Variants in ARID1B observed in about 807,000 individuals in gnomAD.
The protein encoded by ARID1B is AT-rich interaction domain 1B.
ARID1B carries 30 observed loss-of-function variants against 212.3 expected under a neutral mutation model. That is an observed-to-expected ratio of 0.14 (90% CI 0.11 to 0.19). The LOEUF (loss-of-function observed/expected upper bound fraction) is 0.19, where lower values mean the gene tolerates loss of function less well. Ranked by LOEUF, ARID1B falls within the 10% of genes least tolerant of loss-of-function variation. The pLI is 1.00. For missense variants in ARID1B, 2,891 were observed against 3,204.0 expected, an observed-to-expected ratio of 0.90 and a Z score of 2.36; for synonymous variants, 1,402 against 1,301.7, an observed-to-expected ratio of 1.08 and a Z score of -1.66.
At position 157,203,269 on chromosome 6, in the gene ARID1B, G is replaced by T. The variant is rs1198125105; in HGVS notation, c.5264-597G>T. Among the ~76,000 whole-genome samples, 1 of 152,156 alleles carries T rather than the reference G, an allele frequency of 6.6e-6. No individual in the cohort carries two copies. The highest frequency in any genetic ancestry group is 1.5e-5 in the Non-Finnish European group (1 of 68,034). ...ACAACAAATTACTTCCCATTCTGTG[G>T]CTCCAGCCATACTCCTGAGAAATCT... On this transcript the variant is annotated intron_variant, in intron 18 of 19. Transcript: ENST00000636930. The surrounding 1 kb of genome is among the most constrained non-coding windows in gnomAD (Gnocchi z 4.4).
At chr6:157,130,766 C>CTTTCGA (rs1188921546) in intron 6 of ARID1B, among the ~76,000 whole-genome samples, 2 of 152,162 alleles carry the variant, frequency 1.3e-5, no homozygotes, top group East Asian at 3.9e-4. Context: ...TCTTACCCTC[C>CTTTCGA]AGCTGCCTCA....
chr6:156,953,272 C>T (rs56162003), intron 4 of ARID1B, among the ~76,000 whole-genome samples: 86 of 152,358 alleles, frequency 5.6e-4, no homozygotes, highest in Non-Finnish European at 1.1e-3. Context: ...CAGGGATCCA[C>T]TCAGCCCCCT....
intron 3 of ARID1B, among the ~76,000 whole-genome samples, chr6:156,918,853 G>C (rs575468633): frequency 1.3e-5 from 2 of 152,278 alleles, no homozygotes; most frequent in African/African-American, 4.8e-5. Flanking sequence ...AGGAGGATGG[G>C]AATGAGGACT....
At position 157,184,270 on chromosome 6, in the gene ARID1B, C is replaced by T. The variant is rs2128324904; in HGVS notation, c.3754C>T (p.Leu1252=). The change falls in exon 13 of 20, where the codon CTA becomes TTA. Residue 1252 remains leucine (L), a synonymous_variant. Coordinates refer to ENST00000636930, the MANE Select transcript of ARID1B (RefSeq NM_001374828.1). ...GAAGTGGCGTGAGCTGGCAACCAACCTAAACGTTGGCACCTCAAGCAGTGC... is the reference window on the plus strand; with the variant it reads ...GAAGTGGCGTGAGCTGGCAACCAACTTAAACGTTGGCACCTCAAGCAGTGC... ...NKKWRELATN[L]NVGTSSSAAS... is the part of the protein sequence containing the mutation. The T allele has an allele frequency of 6.2e-7, 1 of 1,613,626 alleles. No individual in the cohort carries two copies. The highest frequency in any genetic ancestry group is 8.5e-7 in the Non-Finnish European group (1 of 1,179,656).
chr6:157,113,425 G>T (rs1383628171), intron 6 of ARID1B, among the ~76,000 whole-genome samples: 1 of 152,162 alleles, frequency 6.6e-6, no homozygotes, highest in Non-Finnish European at 1.5e-5. Context: ...TCATAGTCCT[G>T]CAGGCTGTGC....
intron 4 of ARID1B, among the ~76,000 whole-genome samples, chr6:157,084,005 G>T (rs1340098751): frequency 1.3e-5 from 2 of 151,838 alleles, no homozygotes; most frequent in Non-Finnish European, 2.9e-5. Flanking sequence ...GTGGTGGCAG[G>T]TGCCTGTAAT....
At chr6:156,960,773 A>C (rs879406246) in intron 4 of ARID1B, among the ~76,000 whole-genome samples, 4 of 151,620 alleles carry the variant, frequency 2.6e-5, no homozygotes, top group Non-Finnish European at 5.9e-5. Flanking sequence ...GGAAAGCCAC[A>C]GGGTTTTAGA....
intron 1 of ARID1B, among the ~76,000 whole-genome samples, chr6:156,818,900 TA>T (rs1160102682): frequency 6.6e-6 from 1 of 152,002 alleles, no homozygotes; most frequent in Non-Finnish European, 1.5e-5. Flanking sequence ...ATTCTGGAAT[TA>T]TACCTCCATA....
chr6:156,975,649 G>T (rs1777190904), intron 4 of ARID1B, among the ~76,000 whole-genome samples: 1 of 122,136 alleles, frequency 8.2e-6, no homozygotes, highest in South Asian at 2.4e-4. Context: ...TAAAGATACT[G>T]GTCCACTGTC....
intron 1 of ARID1B, among the ~76,000 whole-genome samples, chr6:156,812,933 G>GGT (rs71027314): frequency 0.032 from 2,886 of 89,408 alleles, 86 homozygotes; most frequent in East Asian, 0.091. Flanking sequence ...TATAATCCTG[G>GGT]GTGTGTGTGT....
intron 2 of ARID1B, among the ~76,000 whole-genome samples, chr6:156,892,308 C>T (rs964579228): frequency 3.2e-4 from 48 of 152,098 alleles, no homozygotes; most frequent in Admixed American, 3.1e-3. Flanking sequence ...ATGATTATTT[C>T]AGTTTGCCCT....
At chr6:156,892,300 G>A (rs1406317969) in intron 2 of ARID1B, among the ~76,000 whole-genome samples, 1 of 151,950 alleles carries the variant, frequency 6.6e-6, no homozygotes, top group Non-Finnish European at 1.5e-5. Context: ...AATTCACCAT[G>A]ATTATTTCAG....
chr6:157,198,973 C>T, intron 17 of ARID1B, 66 bp downstream of exon 17: 1 of 1,279,270 alleles, frequency 7.8e-7, no homozygotes, highest in Non-Finnish European at 1.1e-6. Context: ...AAAACTCAAA[C>T]TTGTCTTACT....
In ARID1B at chr6:156,778,738, C is replaced by G. The variant is rs762100979; in HGVS notation, c.1058C>G (p.Ser353Cys). The G allele has an allele frequency of 1.8e-5, 27 of 1,485,168 alleles. No homozygotes were observed. In the South Asian group the frequency reaches 3.3e-4, roughly 18 times the overall value. 92.0% of individuals were successfully genotyped at this position (1,485,168 alleles called of 1,614,324 possible). The change falls in exon 1 of 20, where the codon TCC (serine) becomes TGC (cysteine). Residue 353 changes from serine to cysteine, a missense_variant. Around this residue, in one of 7 missense-constraint regions of ARID1B, gnomAD observed 1,643 missense variants for 1,544.0 expected, o/e 1.06. Coordinates refer to ENST00000636930, the MANE Select transcript of ARID1B (RefSeq NM_001374828.1). Reference sequence around the variant, plus strand: ...GGGATGGGGATGATGCACTCCGCCTCCGCCGCCGCCGCCGGGGCCCCCGGC... The same window carrying G: ...GGGATGGGGATGATGCACTCCGCCTGCGCCGCCGCCGCCGGGGCCCCCGGC... ...SPGMGMMHSASAAAAGAPGSM... is the reference protein window; with the variant it reads ...SPGMGMMHSACAAAAGAPGSM...
At chr6:157,118,712 G>A (rs916863315) in intron 6 of ARID1B, among the ~76,000 whole-genome samples, 1 of 152,194 alleles carries the variant, frequency 6.6e-6, no homozygotes, top group Admixed American at 6.5e-5. Flanking sequence ...ACTTGTGTCA[G>A]GTTTATCATT....
intron 2 of ARID1B, among the ~76,000 whole-genome samples, chr6:156,839,874 T>C (rs533816507): frequency 1.5e-4 from 23 of 152,210 alleles, no homozygotes; most frequent in Admixed American, 6.5e-5. Context: ...CATCATGCAG[T>C]GTGCTTACTT....
At chr6:157,060,630 C>CTTTTTTTTTTTTTTTTTTTTT (rs56870548) in intron 4 of ARID1B, among the ~76,000 whole-genome samples, 1 of 72,040 alleles carries the variant, frequency 1.4e-5, no homozygotes, top group African/African-American at 6.3e-5. Context: ...AAAATCTGAA[C>CTTTTTTTTTTTTTTTTTTTTT]TTTTTTTTTT....
At chr6:157,066,599 G>A (rs1360481354) in intron 4 of ARID1B, among the ~76,000 whole-genome samples, 4 of 152,122 alleles carry the variant, frequency 2.6e-5, no homozygotes, top group Non-Finnish European at 5.9e-5. Context: ...CTGAGTTCAT[G>A]GTGGTCTTTT....
At chr6:156,986,820 A>G (rs1417162596) in intron 4 of ARID1B, among the ~76,000 whole-genome samples, 1 of 152,188 alleles carries the variant, frequency 6.6e-6, no homozygotes, top group Non-Finnish European at 1.5e-5. Context: ...TAGCAAAATG[A>G]TAGTAAAGTG....
Sources: allele counts gnomAD v4.1 joint callset (sites outside exome capture counted in the v4.1 genomes callset), GRCh38; gene constraint gnomAD v4.1.1; regional missense constraint gnomAD v4.1.1; non-coding constraint Gnocchi (gnomAD v3.1); transcripts MANE v1.5; gene names NCBI Gene and HGNC (gene_info 2026-07-23, HGNC 2026-07-21).